The following ILDR2 variants were observed in gnomAD, a reference collection of about 807,000 sequenced individuals.
ILDR2 encodes the protein immunoglobulin-like domain-containing receptor 2.
ILDR2 carries 25 observed loss-of-function variants against 66.8 expected under a neutral mutation model. That is an observed-to-expected ratio of 0.37 (90% CI 0.27 to 0.52). ILDR2 has a LOEUF of 0.52. ILDR2 is among the 20% of genes least tolerant of loss of function. The pLI, the probability that ILDR2 is intolerant of heterozygous loss-of-function variation, is 0.88. For missense variants in ILDR2, 827 were observed against 876.8 expected (o/e 0.94, Z 0.72); for synonymous variants, 367 against 357.2 (o/e 1.03, Z -0.31).
chr1:166,960,072 G>A (rs1031496491), intron 1 of ILDR2, among the ~76,000 whole-genome samples: 3 of 152,192 alleles, frequency 2.0e-5, no homozygotes, highest in Non-Finnish European at 4.4e-5. Context: ...CCCTTGACAA[G>A]GGCAAGATAC....
At chr1:166,935,719 A>C (rs1239136335) in intron 5 of ILDR2, among the ~76,000 whole-genome samples, 7 of 152,154 alleles carry the variant, frequency 4.6e-5, no homozygotes. Context: ...CCTGGCAACT[A>C]AATAATTAAG....
intron 3 of ILDR2, among the ~76,000 whole-genome samples, chr1:166,953,056 T>G (rs1662077346): frequency 6.6e-6 from 1 of 152,036 alleles, no homozygotes; most frequent in Non-Finnish European, 1.5e-5. Flanking sequence ...ACACATATTG[T>G]TTTTTTGGCA....
Position 166,920,995 on chromosome 1 carries a change from CGCGCTGCCCA to C in ILDR2, c.1586_1595del (p.Leu529ArgfsTer68). ...CCTCGGGCCGCGCCTGGCGCTCCCG[CGCGCTGCCCA>C]GGTACGAGTGGTCGTATTTGGGTGC... On this transcript the variant is annotated frameshift_variant, in exon 9 of 10. Transcript: ENST00000271417. LOFTEE classifies it high-confidence loss of function. The C allele has an allele frequency of 6.7e-7, 1 of 1,498,504 alleles. No homozygotes were observed. Among genetic ancestry groups the C allele is most frequent in the South Asian group, 1.3e-5 (1 of 79,224 alleles). 92.8% of individuals were successfully genotyped at this position (1,498,504 alleles called of 1,614,324 possible). A position where few individuals can be genotyped will look rare whatever the true frequency, so the allele number is the denominator to read the frequency against.
At chr1:166,956,527 C>T (rs760777575) in intron 3 of ILDR2, among the ~76,000 whole-genome samples, 21 of 118,118 alleles carry the variant, frequency 1.8e-4, no homozygotes, top group East Asian at 4.7e-4. Flanking sequence ...AAGGTGGGGG[C>T]GGGGGGGTCA....
At chr1:166,928,126 G>A (rs1358613066) in intron 6 of ILDR2, among the ~76,000 whole-genome samples, 1 of 152,204 alleles carries the variant, frequency 6.6e-6, no homozygotes, top group African/African-American at 2.4e-5. Context: ...AAAAATAATG[G>A]TAATTAGTCA....
intron 1 of ILDR2, among the ~76,000 whole-genome samples, chr1:166,972,026 A>G: frequency 6.6e-6 from 1 of 152,146 alleles, no homozygotes; most frequent in East Asian, 1.9e-4. Context: ...CACGTAGCCA[A>G]CATGGTGAAA....
At chr1:166,941,400 G>C (rs1179588972) in intron 3 of ILDR2, among the ~76,000 whole-genome samples, 1 of 152,208 alleles carries the variant, frequency 6.6e-6, no homozygotes, top group South Asian at 2.1e-4. Flanking sequence ...GGCTTACGCA[G>C]TTCCCTAGGG....
chr1:166,933,607 CAG>C (rs1660766478), intron 6 of ILDR2: 3 of 908,258 alleles, frequency 3.3e-6, no homozygotes, highest in Non-Finnish European at 3.9e-6. Flanking sequence ...CAGAAAATGA[CAG>C]AGAGTAAGTA....
rs1346253900 is a variant in ILDR2, at chr1:166,921,453, C to G, written c.1212-74G>C. Reference sequence around the variant, plus strand: ...TCCAGGTAGGGCTCCCAAGAGCACCCATCGTGTCCTGGGGCCACGCTCAGG... The same window carrying G: ...TCCAGGTAGGGCTCCCAAGAGCACCGATCGTGTCCTGGGGCCACGCTCAGG... On this transcript the variant is annotated intron_variant, in intron 8 of 9. Transcript: ENST00000271417. This position sits in a 1 kb window ranked among gnomAD's most constrained non-coding sequence, Gnocchi z 5.3. The G allele has an allele frequency of 3.8e-6, 5 of 1,304,306 alleles. No homozygotes were observed. The highest frequency in any genetic ancestry group is 5.2e-6 in the Non-Finnish European group (5 of 964,328). The allele number at this position is 1,304,306 out of a possible 1,614,324, so 80.8% of individuals were successfully genotyped here.
intron 3 of ILDR2, among the ~76,000 whole-genome samples, chr1:166,948,365 A>G (rs1381665712): frequency 6.6e-6 from 1 of 152,164 alleles, no homozygotes. Flanking sequence ...TTTGGATGAT[A>G]AGTTGTAAAG....
chr1:166,952,768 A>AT (rs546527040), intron 3 of ILDR2, among the ~76,000 whole-genome samples: 25 of 149,848 alleles, frequency 1.7e-4, no homozygotes, highest in East Asian at 5.8e-4. Flanking sequence ...CAGTAACCAC[A>AT]TTTTTTTTTT....
In ILDR2 at chr1:166,927,492, C is replaced by T. The variant is rs183098512; in HGVS notation, c.881-312G>A. Among the ~76,000 whole-genome samples the T allele has an allele frequency of 5.9e-5, 9 of 152,320 alleles. No homozygotes were observed. The East Asian group carries it at 9.6e-4, about 16-fold the overall frequency. ...CTCCACTTAGTGCTCATCTTCTCAG[C>T]GCTTTTGCGTTCCATTGGAGGAGCA... On this transcript the variant is annotated intron_variant, in intron 6 of 9. Transcript: ENST00000271417.
chr1:166,903,025 G>A lies in ILDR2; in HGVS notation n.171+4028C>T, dbSNP rs149972850. 5.3e-5 allele frequency among the ~76,000 whole-genome samples: 8 copies of A among 151,672 alleles called. No homozygotes were observed. In the East Asian group the frequency reaches 1.5e-3, roughly 29 times the overall value. On this transcript the variant is annotated intron_variant and non_coding_transcript_variant, in intron 2 of 2. Transcript: ENST00000414590. ...TCCACTGCCATCGTCTTATTCCATT[G>A]TCCCCCACACAAAATCTGCATTCGC...
chr1:166,904,345 A>G (rs567365998), downstream of ILDR2, among the ~76,000 whole-genome samples: 1 of 152,292 alleles, frequency 6.6e-6, no homozygotes, highest in East Asian at 1.9e-4. Context: ...CTGCCAGTGG[A>G]TCTGCAGGCC....
intron 2 of ILDR2, among the ~76,000 whole-genome samples, chr1:166,901,673 C>A (rs1659267766): frequency 6.6e-6 from 1 of 152,188 alleles, no homozygotes; most frequent in Non-Finnish European, 1.5e-5. Context: ...CTCTCACAGG[C>A]CAAAAGACTG....
chr1:166,906,961 T>C (rs1420732254), downstream of ILDR2: 1 of 152,400 alleles, frequency 6.6e-6, no homozygotes, highest in African/African-American at 2.4e-5. Context: ...CAGTGCCCCA[T>C]TGCCCCTGTC....
chr1:166,897,395 GTTAC>G (rs1659185042), intron 2 of ILDR2, among the ~76,000 whole-genome samples: 2 of 152,156 alleles, frequency 1.3e-5, no homozygotes, highest in Admixed American at 1.3e-4. Flanking sequence ...GAGTGTCTTT[GTTAC>G]TTATGCTGGG....
intron 1 of ILDR2, among the ~76,000 whole-genome samples, chr1:166,974,341 G>C (rs1007770715): frequency 6.6e-6 from 1 of 152,114 alleles, no homozygotes; most frequent in Non-Finnish European, 1.5e-5. Flanking sequence ...CTCAGGGCTG[G>C]CCACCCCAAG....
At position 166,909,781 on chromosome 1, in the gene ILDR2, T is replaced by TATATATATATATATA. The variant is rs1557921377; in HGVS notation, c.*9573_*9574insTATATATATATATAT. 1.2e-4 allele frequency: 8 copies of TATATATATATATATA among 64,238 alleles called. No homozygotes were observed. The highest frequency in any genetic ancestry group is 1.0e-3 in the East Asian group (2 of 1,994). The allele number at this position is 64,238 out of a possible 1,614,324, so 4.0% of individuals were successfully genotyped here. On this transcript the variant is annotated 3_prime_UTR_variant, in exon 10 of 10. Transcript: ENST00000271417. ...TATAAATATATATAAATATATATAT[T>TATATATATATATATA]TATATATATATATATATATATATAT...
Sources: allele counts gnomAD v4.1 joint callset (sites outside exome capture counted in the v4.1 genomes callset), GRCh38; gene constraint gnomAD v4.1.1; non-coding constraint Gnocchi (gnomAD v3.1); transcripts MANE v1.5; gene names NCBI Gene and HGNC (gene_info 2026-07-23, HGNC 2026-07-21).